The following CHAF1A variants were observed in gnomAD, a reference collection of about 807,000 sequenced individuals.
The protein encoded by CHAF1A is chromatin assembly factor 1 subunit A.
Under a neutral mutation model 93.2 loss-of-function variants are expected in CHAF1A, and 5 were observed. The observed-to-expected ratio is 0.05, with a 90% confidence interval of 0.03 to 0.11. The LOEUF (loss-of-function observed/expected upper bound fraction) is 0.11, where lower values mean the gene tolerates loss of function less well. Among genes scored for constraint, CHAF1A ranks in the 10% least tolerant of loss-of-function variants. The pLI, the probability that CHAF1A is intolerant of heterozygous loss-of-function variation, is 1.00. For synonymous variants in CHAF1A, 504 were observed against 510.3 expected (o/e 0.99, Z 0.17); for missense variants, 1,102 against 1,259.9 (o/e 0.87, Z 1.90).
chr19:4,424,396 T>G (rs1051654721), intron 7 of CHAF1A, among the ~76,000 whole-genome samples: 2 of 152,196 alleles, frequency 1.3e-5, no homozygotes, highest in African/African-American at 4.8e-5. Context: ...TATACACATG[T>G]GTACTTAGCT....
At chr19:4,437,750 A>ATTTTG (rs1974311636) in intron 13 of CHAF1A, among the ~76,000 whole-genome samples, 2 of 149,952 alleles carry the variant, frequency 1.3e-5, no homozygotes, top group Admixed American at 1.3e-4. Context: ...ATTTTATTTT[A>ATTTTG]TTTTATTTTG....
chr19:4,421,796 G>C (rs1358978296), intron 4 of CHAF1A, among the ~76,000 whole-genome samples: 3 of 152,118 alleles, frequency 2.0e-5, no homozygotes, highest in Non-Finnish European at 4.4e-5. Context: ...AATCACTTCT[G>C]TGTAAAGTTG....
downstream of CHAF1A, chr19:4,448,562 G>C (rs769538645): frequency 2.9e-6 from 2 of 695,160 alleles, no homozygotes; most frequent in Non-Finnish European, 4.9e-6. Context: ...AAGGAAAAGA[G>C]AGACCCTCCA....
At position 4,422,307 on chromosome 19, in the gene CHAF1A, C is replaced by T. The variant is rs1036870940; in HGVS notation, c.1018-259C>T. Among the ~76,000 whole-genome samples, 4 of 151,750 alleles carry T rather than the reference C, an allele frequency of 2.6e-5. No individual in the cohort carries two copies. The highest frequency in any genetic ancestry group is 4.9e-5 in the African/African-American group (2 of 41,098). On this transcript the variant is annotated intron_variant, in intron 4 of 14. Transcript: ENST00000301280. The surrounding 1 kb of genome is among the most constrained non-coding windows in gnomAD (Gnocchi z 4.6). ...GGGATTACAGGCGTGAACCACCGCG[C>T]GCAGCCAATTTTTGTATTTTTAGTA...
chr19:4,417,440 G>A (rs551198852), intron 3 of CHAF1A, among the ~76,000 whole-genome samples: 9 of 144,746 alleles, frequency 6.2e-5, no homozygotes, highest in South Asian at 2.2e-4. Context: ...TCTCCCTGTC[G>A]CCCAGGCCAG....
chr19:4,411,642 A>ATTTTTTTTTTTTTTTTTTTTT (rs1202069647), intron 3 of CHAF1A, among the ~76,000 whole-genome samples: 18 of 38,060 alleles, frequency 4.7e-4, no homozygotes, highest in Non-Finnish European at 9.0e-4. Context: ...AATGGTGCAA[A>ATTTTTTTTTTTTTTTTTTTTT]TCTTTTTTTT....
chr19:4,407,127 G>A (rs1973695049), intron 2 of CHAF1A, among the ~76,000 whole-genome samples: 1 of 151,924 alleles, frequency 6.6e-6, no homozygotes. Context: ...GCCGAGGCAA[G>A]AGAATTGTTT....
chr19:4,440,613 A>T (rs986461990), intron 13 of CHAF1A, among the ~76,000 whole-genome samples: 17 of 152,082 alleles, frequency 1.1e-4, no homozygotes, highest in African/African-American at 3.6e-4. Flanking sequence ...ACTTCACATC[A>T]GGGACGTGTT....
chr19:4,432,252 G>C, intron 12 of CHAF1A, 45 bp downstream of exon 12: 1 of 1,550,276 alleles, frequency 6.5e-7, no homozygotes, highest in Admixed American at 1.9e-5. Context: ...CCTGGGCCCA[G>C]CTAATTCCAG....
Position 4,429,020 on chromosome 19 carries a change from G to A in CHAF1A, c.1604+130G>A, listed in dbSNP as rs1974134400. ...GCTTCCTAGTGCCCTCGGGCCCTGG[G>A]CTTCGGTGCTGGCTCAGGCCTCTCT... On this transcript the variant is annotated intron_variant, in intron 8 of 14. Coordinates refer to ENST00000301280, the MANE Select transcript of CHAF1A (RefSeq NM_005483.3). The A allele has an allele frequency of 8.6e-6, 6 of 700,286 alleles. No individual in the cohort carries two copies. In the Admixed American group the frequency reaches 1.4e-4, roughly 16 times the overall value. The allele number at this position is 700,286 out of a possible 1,614,324, so 43.4% of individuals were successfully genotyped here. A position where few individuals can be genotyped will look rare whatever the true frequency, so the allele number is the denominator to read the frequency against.
intron 4 of CHAF1A, among the ~76,000 whole-genome samples, chr19:4,419,781 A>T (rs243361): frequency 0.99 from 150,625 of 152,308 alleles, 74,488 homozygotes; most frequent in East Asian, 1. Context: ...GAGCACTTTT[A>T]AAGCTCATTG....
rs1373774391 is a variant in CHAF1A, at chr19:4,422,585, A to G, written c.1037A>G (p.Lys346Arg). 1.4e-5 allele frequency: 22 copies of G among 1,569,242 alleles called. No homozygotes were observed. The highest frequency in any genetic ancestry group is 1.7e-5 in the Non-Finnish European group (20 of 1,157,262). Residue 346 changes from lysine (K) to arginine (R), a missense_variant, in exon 5 of 15, where the codon AAG becomes AGG. Lys to Arg is a conservative substitution (Grantham distance 26). Around this residue, in one of 6 missense-constraint regions of CHAF1A, gnomAD observed 165 missense variants for 243.9 expected, o/e 0.68. Transcript: ENST00000301280. This position sits in a 1 kb window ranked among gnomAD's most constrained non-coding sequence, Gnocchi z 4.6. ...RLQRDQERLG[K>R]QLKLRAEREE... ...TTGTAGGATCAGGAGCGTCTGGGCA[A>G]GCAGCTCAAGTTACGTGCAGAAAGG...
rs201557507 is a variant in CHAF1A, at chr19:4,428,643, C to T, written c.1378-21C>T. 2.2e-4 allele frequency: 357 copies of T among 1,591,586 alleles called. 2 individuals carry two copies. In the African/African-American group the frequency reaches 4.1e-3, roughly 18 times the overall value. ...TTCTCCCATTGCTCGAAGACCCCAT[C>T]GGGTCTCTTCTTGATTTCAGACCCT... is the stretch of plus-strand genomic sequence containing the variant. On this transcript the variant is annotated intron_variant, in intron 7 of 14. Transcript: ENST00000301280.
At chr19:4,423,416 C>T (rs1974025371) in intron 6 of CHAF1A, 21 bp downstream of exon 6, 2 of 1,613,530 alleles carry the variant, frequency 1.2e-6, no homozygotes, top group Non-Finnish European at 1.7e-6. Context: ...TCCCACAGAG[C>T]TTCCCCGTCC....
downstream of CHAF1A, chr19:4,445,741 GAGGCTGTGGCTCGCACCC>G: frequency 2.0e-6 from 3 of 1,499,212 alleles, no homozygotes; most frequent in Non-Finnish European, 2.7e-6. Context: ...TCAGCTGGTG[GAGGCTGTGGCTCGCACCC>G]AGGCCTCCTG....
At chr19:4,441,613 A>G (rs1974390277) in intron 13 of CHAF1A, among the ~76,000 whole-genome samples, 1 of 151,570 alleles carries the variant, frequency 6.6e-6, no homozygotes, top group African/African-American at 2.4e-5. Context: ...CGTCTCAAAA[A>G]TAAAAAATAA....
intron 8 of CHAF1A, 113 bp from the exon 9 acceptor site, chr19:4,429,325 C>T (rs2145123755): frequency 1.6e-6 from 2 of 1,249,446 alleles, no homozygotes; most frequent in South Asian, 2.9e-5. Flanking sequence ...TGCTTTTTAA[C>T]AAATGCCCAT....
chr19:4,430,443 G>T (rs1238029549), intron 10 of CHAF1A, 106 bp from the exon 11 acceptor site: 15 of 713,306 alleles, frequency 2.1e-5, no homozygotes, highest in Non-Finnish European at 3.2e-5. Context: ...CTCCCAAAGT[G>T]CTGGGATTAG....
rs113170179 is a variant in CHAF1A at position 4,424,696 on chromosome 19, G to A, written c.1377+822G>A. Among the ~76,000 whole-genome samples the A allele has an allele frequency of 8.8e-3, 1,341 of 152,232 alleles. 21 individuals are homozygous for A. Among genetic ancestry groups the A allele is most frequent in the African/African-American group, 0.03 (1,257 of 41,520 alleles). ...GTCACCCAGGCTGCAGTACAGTGGT[G>A]CGATCTCAGCTCACTGCAACGTCCA... On this transcript the variant is annotated intron_variant, in intron 7 of 14. Transcript: ENST00000301280.
Sources: allele counts gnomAD v4.1 joint callset (sites outside exome capture counted in the v4.1 genomes callset), GRCh38; gene constraint gnomAD v4.1.1; regional missense constraint gnomAD v4.1.1; non-coding constraint Gnocchi (gnomAD v3.1); transcripts MANE v1.5; gene names NCBI Gene and HGNC (gene_info 2026-07-23, HGNC 2026-07-21).